The following NLGN1 variants were observed in gnomAD, a reference collection of about 807,000 sequenced individuals.
NLGN1 encodes the protein neuroligin-1.
NLGN1 carries 12 observed loss-of-function variants against 65.5 expected under a neutral mutation model. That is an observed-to-expected ratio of 0.18 (90% CI 0.12 to 0.30). The LOEUF is 0.30. NLGN1 is among the 10% of genes least tolerant of loss of function. The pLI, the probability that NLGN1 is intolerant of heterozygous loss-of-function variation, is 1.00. For synonymous variants in NLGN1, 350 were observed against 359.5 expected (o/e 0.97, Z 0.30); for missense variants, 750 against 1,007.1 (o/e 0.74, Z 3.46).
At chr3:174,289,955 GTATA>G (rs10554819), downstream of NLGN1, among the ~76,000 whole-genome samples, 5,955 of 105,376 alleles carry the variant, frequency 0.057, 419 homozygotes, top group African/African-American at 0.16. Context: ...ATATATATGT[GTATA>G]TATATATATG....
At chr3:173,927,642 C>T (rs1012421582) in intron 4 of NLGN1, among the ~76,000 whole-genome samples, 9 of 152,084 alleles carry the variant, frequency 5.9e-5, no homozygotes, top group African/African-American at 1.9e-4. Context: ...AGCATTTGCA[C>T]ATTTTTCAAG....
At chr3:173,548,873 G>A (rs1231612101) in intron 2 of NLGN1, among the ~76,000 whole-genome samples, 1 of 151,770 alleles carries the variant, frequency 6.6e-6, no homozygotes, top group Non-Finnish European at 1.5e-5. Context: ...ACATATTCTA[G>A]TATTTATTCT....
chr3:173,533,501 C>T (rs1440624712), intron 2 of NLGN1, among the ~76,000 whole-genome samples: 1 of 152,106 alleles, frequency 6.6e-6, no homozygotes, highest in Non-Finnish European at 1.5e-5. Context: ...TCACTTGGTT[C>T]TTCTGGAAAA....
intron 2 of NLGN1, among the ~76,000 whole-genome samples, chr3:173,521,643 T>C (rs1270226950): frequency 6.6e-6 from 1 of 152,176 alleles, no homozygotes; most frequent in African/African-American, 2.4e-5. Flanking sequence ...TTAACACTGT[T>C]ACTTCCAGAA....
intron 4 of NLGN1, among the ~76,000 whole-genome samples, chr3:174,227,114 A>G (rs1346997027): frequency 6.6e-6 from 1 of 152,204 alleles, no homozygotes; most frequent in Non-Finnish European, 1.5e-5. Context: ...ATGAATTGAT[A>G]AATGGAGAAG....
At chr3:174,075,225 CATT>C (rs1239920477) in intron 4 of NLGN1, among the ~76,000 whole-genome samples, 4 of 152,118 alleles carry the variant, frequency 2.6e-5, no homozygotes, top group Admixed American at 2.0e-4. Context: ...CAAACAATCT[CATT>C]ATATTTCTAA....
rs528855178 is a variant in NLGN1 at position 173,652,386 on chromosome 3, T to G, written c.493+47295T>G. On this transcript the variant is annotated intron_variant, in intron 3 of 6. Transcript: ENST00000457714. ...TTTTCCTTAGGTTTTTGTCTATCAT[T>G]TTGATAGTTTCGGGTCTTACATTTA... Among the ~76,000 whole-genome samples, 84 of 152,354 alleles carry G rather than the reference T, an allele frequency of 5.5e-4. 2 individuals carry two copies. The highest frequency in any genetic ancestry group is 4.6e-3 in the Admixed American group (71 of 15,302).
chr3:173,598,042 C>T (rs574424191), intron 2 of NLGN1, among the ~76,000 whole-genome samples: 68 of 152,212 alleles, frequency 4.5e-4, no homozygotes, highest in African/African-American at 1.5e-3. Flanking sequence ...TGCCTTTTTA[C>T]AGTTCTTTAT....
At chr3:173,867,995 C>T (rs1730510938) in intron 4 of NLGN1, among the ~76,000 whole-genome samples, 1 of 152,142 alleles carries the variant, frequency 6.6e-6, no homozygotes, top group African/African-American at 2.4e-5. Flanking sequence ...ATCTTAATCT[C>T]CACTAAGAAA....
intron 4 of NLGN1, among the ~76,000 whole-genome samples, chr3:174,046,428 A>G (rs531524054): frequency 6.6e-6 from 1 of 151,732 alleles, no homozygotes; most frequent in African/African-American, 2.4e-5. Context: ...TTGTAGCTCT[A>G]CATTAGTGCA....
At chr3:173,732,662 A>C (rs1242073824) in intron 3 of NLGN1, among the ~76,000 whole-genome samples, 1 of 152,118 alleles carries the variant, frequency 6.6e-6, no homozygotes, top group Non-Finnish European at 1.5e-5. Context: ...TTTTTAAACA[A>C]ATGCAAAATT....
At chr3:174,239,874 A>G (rs1014904215) in intron 4 of NLGN1, among the ~76,000 whole-genome samples, 37 of 152,194 alleles carry the variant, frequency 2.4e-4, no homozygotes, top group Admixed American at 2.4e-3. Context: ...GAAAACATTA[A>G]AAGTAAAATA....
chr3:174,256,252 C>A (rs1745737845), intron 4 of NLGN1, among the ~76,000 whole-genome samples: 2 of 151,992 alleles, frequency 1.3e-5, no homozygotes, highest in Admixed American at 6.6e-5. Flanking sequence ...GCCAATACAC[C>A]CAGTGACAAC....
At chr3:174,281,075 T>C (rs1751451040) in exon 7 of NLGN1, 20 of 1,613,364 alleles carry the variant, frequency 1.2e-5, no homozygotes, top group Non-Finnish European at 1.6e-5. Context: ...AGTCCATTCA[T>C]CCACATGAGG....
chr3:174,081,759 T>A (rs1295929098), intron 4 of NLGN1, among the ~76,000 whole-genome samples: 1 of 151,952 alleles, frequency 6.6e-6, no homozygotes, highest in East Asian at 1.9e-4. Context: ...TTAGTAGAGA[T>A]GGGGTTTCTC....
intron 4 of NLGN1, among the ~76,000 whole-genome samples, chr3:174,032,915 T>C (rs942806858): frequency 6.6e-6 from 1 of 152,064 alleles, no homozygotes; most frequent in Non-Finnish European, 1.5e-5. Context: ...GAAATAGATT[T>C]GGAATGCTGC....
intron 4 of NLGN1, among the ~76,000 whole-genome samples, chr3:174,244,538 T>C (rs1743445388): frequency 6.6e-6 from 1 of 152,182 alleles, no homozygotes; most frequent in Non-Finnish European, 1.5e-5. Flanking sequence ...GAAAATGCCC[T>C]TTAATACTAA....
At chr3:173,921,936 C>T (rs1290041808) in intron 4 of NLGN1, among the ~76,000 whole-genome samples, 1 of 152,064 alleles carries the variant, frequency 6.6e-6, no homozygotes, top group African/African-American at 2.4e-5. Flanking sequence ...TTTCTTTGTG[C>T]CACTCTGAAT....
intron 2 of NLGN1, among the ~76,000 whole-genome samples, chr3:173,474,769 C>T (rs1725902574): frequency 6.6e-6 from 1 of 152,030 alleles, no homozygotes; most frequent in Non-Finnish European, 1.5e-5. Flanking sequence ...ACCAGTCTGG[C>T]CAACATGGTG....
Sources: gnomAD v4.1 joint callset for allele counts (sites outside exome capture counted in the v4.1 genomes callset) on GRCh38, gnomAD v4.1.1 for gene constraint, MANE v1.5 for transcripts, NCBI Gene and HGNC (gene_info 2026-07-23, HGNC 2026-07-21) for gene names.